Variants in ABCA12 observed in about 807,000 individuals in gnomAD.
ABCA12 encodes ATP binding cassette subfamily A member 12.
ABCA12 carries 156 observed loss-of-function variants against 293.5 expected under a neutral mutation model. The observed-to-expected ratio is 0.53, with a 90% CI of 0.47 to 0.61. The LOEUF is 0.61. Among genes scored for constraint, ABCA12 ranks in the 20% least tolerant of loss-of-function variants. ABCA12 has a pLI of 0.00. For synonymous variants in ABCA12, 1,063 were observed against 1,108.0 expected (o/e 0.96, Z 0.81); for missense variants, 2,797 against 3,090.2 (o/e 0.91, Z 2.25).
In ABCA12 at chr2:215,007,224, C is replaced by T. The variant is rs187056884; in HGVS notation, c.2592+503G>A. On this transcript the variant is annotated intron_variant, in intron 19 of 52. Transcript: ENST00000272895. ...TTTTGCTTCCTTAAGTGGCCTTAAA[C>T]GTAAATTCAGATAAATACGTTAACG... Among the ~76,000 whole-genome samples the T allele has an allele frequency of 5.3e-5, 8 of 152,184 alleles. No individual in the cohort carries two copies. In the East Asian group the frequency reaches 7.7e-4, roughly 15 times the overall value.
At position 215,011,480 on chromosome 2, in the gene ABCA12, T is replaced by A. The variant is rs150763300; in HGVS notation, c.2291A>T (p.Lys764Ile). The part of the protein sequence containing the change: ...TKDFLTYKLT[K>I]EQIASKYGIP... ...TCCATATTTTGAAGCAATTTGCTCT[T>A]TAGTTAATTTATAAGTCAAAAAATC... The change falls in exon 17 of 53, where the codon AAA becomes ATA. Residue 764 changes from lysine (K) to isoleucine (I), a missense_variant. Physicochemically the swap from Lys to Ile is moderately radical, Grantham distance 102 (BLOSUM62 -3). This residue lies in a region of ABCA12 where 2,130 missense variants were observed against 2,427.0 expected (regional missense o/e 0.88). Coordinates refer to ENST00000272895, the MANE Select transcript of ABCA12 (RefSeq NM_173076.3). The A allele has an allele frequency of 6.2e-7, 1 of 1,613,998 alleles. No individual in the cohort carries two copies. The highest frequency in any genetic ancestry group is 8.5e-7 in the Non-Finnish European group (1 of 1,179,862).
chr2:215,051,147 G>A (rs1701312390), intron 5 of ABCA12, among the ~76,000 whole-genome samples: 1 of 152,074 alleles, frequency 6.6e-6, no homozygotes, highest in Non-Finnish European at 1.5e-5. Context: ...CTACTTCTAG[G>A]AACCAATATG....
intron 2 of ABCA12, 129 bp downstream of exon 2, chr2:215,111,468 C>A (rs1702568348): frequency 3.2e-6 from 2 of 630,556 alleles, no homozygotes; most frequent in Non-Finnish European, 5.6e-6. Context: ...ACAAATTGTT[C>A]ATATTAATCC....
At chr2:215,003,668 A>G (rs1700190927) in intron 20 of ABCA12, among the ~76,000 whole-genome samples, 1 of 29,308 alleles carries the variant, frequency 3.4e-5, no homozygotes, top group Non-Finnish European at 5.9e-5. Flanking sequence ...TATAATAATA[A>G]TAATTTTTTT....
intron 2 of ABCA12, among the ~76,000 whole-genome samples, chr2:215,090,180 GCCC>G (rs895571387): frequency 6.6e-6 from 1 of 152,010 alleles, no homozygotes; most frequent in Admixed American, 6.6e-5. Context: ...CTATAAAACT[GCCC>G]CACCCCTAAC....
chr2:215,047,123 T>C lies in ABCA12; in HGVS notation c.694-1108A>G, dbSNP rs143668735. ...ATCCAGATAAATAGCTAATGCATTC[T>C]TGGCTTAATACCTAGGTGATGGGTT... is the stretch of plus-strand genomic sequence containing the variant. On this transcript the variant is annotated intron_variant, in intron 6 of 52. Coordinates refer to ENST00000272895, the MANE Select transcript of ABCA12 (RefSeq NM_173076.3). Among the ~76,000 whole-genome samples the C allele has an allele frequency of 2.0e-3, 299 of 152,280 alleles. 1 individual carries two copies. Among genetic ancestry groups the C allele is most frequent in the East Asian group, 0.013 (68 of 5,184 alleles).
chr2:215,100,423 C>T (rs1249500922), intron 2 of ABCA12, among the ~76,000 whole-genome samples: 1 of 152,114 alleles, frequency 6.6e-6, no homozygotes, highest in Non-Finnish European at 1.5e-5. Context: ...CTCAATTACC[C>T]TAATTCGCAG....
rs12612532 is a variant in ABCA12, at chr2:215,032,219, T to C, written c.986-323A>G. ...TGCAGATGACTGCTAAGTACTATAA[T>C]GAAGATTGACTACCACGTGATTTGT... On this transcript the variant is annotated intron_variant, in intron 8 of 52. Transcript: ENST00000272895. 1,516 of 655,766 alleles carry C rather than the reference T, an allele frequency of 2.3e-3. 37 individuals carry two copies. In the East Asian group the frequency reaches 0.05, roughly 22 times the overall value. The allele number at this position is 655,766 out of a possible 1,614,324, so 40.6% of individuals were successfully genotyped here. A position where few individuals can be genotyped will look rare whatever the true frequency, so the allele number is the denominator to read the frequency against.
At chr2:215,131,702 G>GTTTTTTTTTTTTTTTTTTTTTTTTT in intron 1 of ABCA12, among the ~76,000 whole-genome samples, 1 of 80,180 alleles carries the variant, frequency 1.2e-5, no homozygotes, top group Non-Finnish European at 2.7e-5. Flanking sequence ...CCTTTCTATT[G>GTTTTTTTTTTTTTTTTTTTTTTTTT]TTTTTTTTTT....
chr2:214,970,439 A>C lies in ABCA12; in HGVS notation c.5563-39T>G, dbSNP rs532533787. Reference sequence around the variant, plus strand: ...TTAAAAATGAATTTTTTTCTGGCCAATGCTGTGCAAGTTAAATAGACAATG... The same window carrying C: ...TTAAAAATGAATTTTTTTCTGGCCACTGCTGTGCAAGTTAAATAGACAATG... On this transcript the variant is annotated intron_variant, in intron 36 of 52. Transcript: ENST00000272895. 21 of 1,610,856 alleles carry C rather than the reference A, an allele frequency of 1.3e-5. No individual in the cohort carries two copies. In the East Asian group the frequency reaches 4.7e-4, roughly 36 times the overall value.
chr2:215,070,931 G>A (rs1216368955), intron 2 of ABCA12, among the ~76,000 whole-genome samples: 9 of 151,986 alleles, frequency 5.9e-5, no homozygotes, highest in Non-Finnish European at 4.4e-5. Context: ...CTATACTCTC[G>A]CACTTTGGGA....
intron 51 of ABCA12, among the ~76,000 whole-genome samples, chr2:214,935,883 A>G (rs1446896082): frequency 6.6e-6 from 1 of 152,180 alleles, no homozygotes; most frequent in African/African-American, 2.4e-5. Flanking sequence ...GGCTGAGGCA[A>G]AGGTATTTTA....
At chr2:215,038,740 A>G (rs187491240) in intron 7 of ABCA12, among the ~76,000 whole-genome samples, 102 of 152,322 alleles carry the variant, frequency 6.7e-4, no homozygotes, top group African/African-American at 2.4e-3. Flanking sequence ...TATTGTCCCA[A>G]AGTAACATCT....
At chr2:214,963,097 C>CA (rs1417882925) in intron 39 of ABCA12, 8 of 151,606 alleles carry the variant, frequency 5.3e-5, no homozygotes, top group Middle Eastern at 3.4e-3. Context: ...GATAGAGACA[C>CA]AAAAAATCCT....
chr2:214,933,423 G>T (rs1698121768), intron 52 of ABCA12, among the ~76,000 whole-genome samples: 1 of 152,038 alleles, frequency 6.6e-6, no homozygotes, highest in Non-Finnish European at 1.5e-5. Flanking sequence ...AAGAAGAGTT[G>T]TACATCAAAT....
intron 2 of ABCA12, among the ~76,000 whole-genome samples, chr2:215,098,053 G>A (rs1021008927): frequency 6.6e-6 from 1 of 152,144 alleles, no homozygotes; most frequent in African/African-American, 2.4e-5. Context: ...AGTTTTCACA[G>A]GAGTTAGGTT....
chr2:214,987,611 T>G, intron 27 of ABCA12, 36 bp downstream of exon 27: 1 of 1,593,020 alleles, frequency 6.3e-7, no homozygotes, highest in Non-Finnish European at 8.6e-7. Flanking sequence ...ATCATTTCTC[T>G]CATAACAAAG....
chr2:215,028,842 T>C (rs1700808220), intron 9 of ABCA12, among the ~76,000 whole-genome samples: 1 of 152,176 alleles, frequency 6.6e-6, no homozygotes, highest in African/African-American at 2.4e-5. Flanking sequence ...AGCCAAGGTA[T>C]AATAATAACC....
chr2:215,138,161 C>T lies in ABCA12; in HGVS notation c.48G>A (p.Trp16Ter). 1 of 1,614,094 alleles carries T rather than the reference C, an allele frequency of 6.2e-7. No homozygotes were observed. The highest frequency in any genetic ancestry group is 1.1e-5 in the South Asian group (1 of 91,068). ...TCACCGGCTGCCTTTTTACACCTAG[C>T]CAATTTTTCCAGACCAGGATCTGAA... ...HQLQILVWKN[W>*]LGVKRQPLWT... The change falls in exon 1 of 53, where the codon TGG becomes TGA. Residue 16 changes from tryptophan to a stop codon, truncating the protein, a stop_gained. Transcript: ENST00000272895. LOFTEE classifies it high-confidence loss of function.
Sources: gnomAD v4.1 joint callset for allele counts (sites outside exome capture counted in the v4.1 genomes callset) on GRCh38, gnomAD v4.1.1 for gene constraint, gnomAD v4.1.1 regional missense constraint, MANE v1.5 for transcripts, NCBI Gene and HGNC (gene_info 2026-07-23, HGNC 2026-07-21) for gene names.